The following ATP6V0D1 variants were observed in gnomAD, a reference collection of about 807,000 sequenced individuals.
ATP6V0D1 encodes V-type proton ATPase subunit d 1.
ATP6V0D1 carries 13 observed loss-of-function variants against 39.0 expected under a neutral mutation model. The observed-to-expected ratio is 0.33, with a 90% CI of 0.22 to 0.53. ATP6V0D1 has a LOEUF of 0.53. ATP6V0D1 is among the 20% of genes least tolerant of loss of function. The probability of loss-of-function intolerance (pLI) is 0.94; values close to 1 mark genes in which losing one functional copy is unlikely to be tolerated. For synonymous variants in ATP6V0D1, 191 were observed against 191.2 expected, an observed-to-expected ratio of 1.00 and a Z score of 0.01; for missense variants, 272 against 470.9, an observed-to-expected ratio of 0.58 and a Z score of 3.91.
chr16:67,469,969 T>C (rs2041359944), intron 1 of ATP6V0D1, among the ~76,000 whole-genome samples: 1 of 152,220 alleles, frequency 6.6e-6, no homozygotes, highest in African/African-American at 2.4e-5. Context: ...GGATTACATG[T>C]AACGCTTTGC....
chr16:67,457,701 A>G, intron 1 of ATP6V0D1: 2 of 1,242,020 alleles, frequency 1.6e-6, no homozygotes. Flanking sequence ...AAAGCCAAGC[A>G]GAGGGCTCTC....
chr16:67,446,883 C>T (rs2041122948), intron 2 of ATP6V0D1, among the ~76,000 whole-genome samples: 1 of 152,176 alleles, frequency 6.6e-6, no homozygotes, highest in Non-Finnish European at 1.5e-5. Flanking sequence ...CTAGCATTAC[C>T]AGCCCCACTG....
At chr16:67,468,617 A>G (rs1278394004) in intron 1 of ATP6V0D1, among the ~76,000 whole-genome samples, 1 of 151,788 alleles carries the variant, frequency 6.6e-6, no homozygotes, top group African/African-American at 2.4e-5. Context: ...AAAAAGAAGG[A>G]AGGAAAGAAA....
intron 2 of ATP6V0D1, among the ~76,000 whole-genome samples, chr16:67,452,767 TGTGCAGTCCAGGTGCCCTCCCC>T (rs1170326768): frequency 2.2e-4 from 33 of 152,120 alleles, no homozygotes; most frequent in East Asian, 7.7e-4. Flanking sequence ...CCTACCTCCC[TGTGCAGTCCAGGTGCCCTCCCC>T]GTGCAGTCCA....
rs759841989 is a variant in ATP6V0D1 at position 67,438,599 on chromosome 16, T to C, written c.985A>G (p.Ile329Val). Residue 329 changes from isoleucine (I) to valine (V), a missense_variant, in exon 8 of 8, where the codon ATC becomes GTC. This residue lies in a region of ATP6V0D1 where 35 missense variants were observed against 84.6 expected (regional missense o/e 0.41). Coordinates refer to ENST00000290949, the MANE Select transcript of ATP6V0D1 (RefSeq NM_004691.5). ...VKLKEQECRN[I>V]VWIAECIAQR... ...GCGATACATTCAGCGATCCACACGA[T>C]GTTGCGACACTCCTGCTCCTTGAGC... 3 of 1,614,240 alleles carry C rather than the reference T, an allele frequency of 1.9e-6. No homozygotes were observed. The highest frequency in any genetic ancestry group is 2.5e-6 in the Non-Finnish European group (3 of 1,180,040).
intron 1 of ATP6V0D1, among the ~76,000 whole-genome samples, chr16:67,469,731 A>T (rs1472103930): frequency 6.6e-6 from 1 of 152,214 alleles, no homozygotes; most frequent in Non-Finnish European, 1.5e-5. Flanking sequence ...TTGCTTACCT[A>T]TATGTCCTAA....
intron 1 of ATP6V0D1, among the ~76,000 whole-genome samples, chr16:67,473,430 C>T (rs1308922818): frequency 6.6e-6 from 1 of 151,810 alleles, no homozygotes; most frequent in Non-Finnish European, 1.5e-5. Context: ...CTCATTGCAA[C>T]CTCCACCTTC....
rs66719440 is a variant in ATP6V0D1, at chr16:67,438,885, G to T, written c.817-15C>A. 857 of 1,613,406 alleles carry T rather than the reference G, an allele frequency of 5.3e-4. No individual in the cohort carries two copies. In the African/African-American group the frequency reaches 8.5e-3, roughly 16 times the overall value. On this transcript the variant is annotated splice_polypyrimidine_tract_variant and intron_variant, in intron 6 of 7. Transcript: ENST00000290949. ...AGCTTGTACTCCTGGCCAGGGGGGT[G>T]GGGGGAAGCACAAGCATGAGGGTTC...
At chr16:67,474,042 C>T (rs111344646) in intron 1 of ATP6V0D1, among the ~76,000 whole-genome samples, 12 of 152,330 alleles carry the variant, frequency 7.9e-5, no homozygotes, top group African/African-American at 2.9e-4. Context: ...CTAAAGTACC[C>T]TGCACTTACT....
intron 2 of ATP6V0D1, among the ~76,000 whole-genome samples, chr16:67,450,481 G>GGCCAGAGAGGTAGGAGTTAA (rs1254615733): frequency 6.6e-6 from 1 of 152,076 alleles, no homozygotes; most frequent in African/African-American, 2.4e-5. Context: ...AAGGGAGAGT[G>GGCCAGAGAGGTAGGAGTTAA]GCCAGAGAGG....
At position 67,448,145 on chromosome 16, in the gene ATP6V0D1, T is replaced by C. The variant is rs530683204; in HGVS notation, c.303-3439A>G. Among the ~76,000 whole-genome samples, 5 of 150,916 alleles carry C rather than the reference T, an allele frequency of 3.3e-5. No individual in the cohort carries two copies. The East Asian group carries it at 9.8e-4, about 30-fold the overall frequency. Reference sequence around the variant, plus strand: ...GTGGGAGGCTCTCTTAGCTCAGGAGTTTGAGGCCAGCCTGGGCAACATAGC... The same window carrying C: ...GTGGGAGGCTCTCTTAGCTCAGGAGCTTGAGGCCAGCCTGGGCAACATAGC... On this transcript the variant is annotated intron_variant, in intron 2 of 7. Transcript: ENST00000290949.
rs79113823 is a variant in ATP6V0D1 at position 67,444,374 on chromosome 16, C to G, written c.481+154G>C. Among the ~76,000 whole-genome samples, 532 of 151,206 alleles carry G rather than the reference C, an allele frequency of 3.5e-3. 3 individuals carry two copies. The highest frequency in any genetic ancestry group is 0.012 in the African/African-American group (489 of 41,476). The stretch of plus-strand genomic sequence containing the variant: ...AAGAGGGGTGAAGTGAGGAGAGAAT[C>G]GGAGGAGGAAGTTGAAGGGAGACAA... On this transcript the variant is annotated intron_variant, in intron 3 of 7. Transcript: ENST00000290949. This position sits in a 1 kb window ranked among gnomAD's most constrained non-coding sequence, Gnocchi z 4.8.
chr16:67,476,243 T>C (rs1359901533), intron 1 of ATP6V0D1, among the ~76,000 whole-genome samples: 1 of 149,422 alleles, frequency 6.7e-6, no homozygotes, highest in East Asian at 1.9e-4. Flanking sequence ...AAACCAGACA[T>C]CTCAGATAGT....
At chr16:67,475,148 G>A (rs1185646993) in intron 1 of ATP6V0D1, among the ~76,000 whole-genome samples, 1 of 149,874 alleles carries the variant, frequency 6.7e-6, no homozygotes, top group Non-Finnish European at 1.5e-5. Context: ...TATCCCATCC[G>A]CTGCACTCAG....
At chr16:67,465,452 G>T (rs1036700517) in intron 1 of ATP6V0D1, among the ~76,000 whole-genome samples, 2 of 152,326 alleles carry the variant, frequency 1.3e-5, no homozygotes, top group East Asian at 1.9e-4. Flanking sequence ...GGCCAGGGTG[G>T]CAAGACAAGA....
At chr16:67,464,347 G>GTGAT (rs1275685836) in intron 1 of ATP6V0D1, among the ~76,000 whole-genome samples, 3 of 152,234 alleles carry the variant, frequency 2.0e-5, no homozygotes, top group African/African-American at 7.2e-5. Context: ...AGAACATAGA[G>GTGAT]TGATTGGTCA....
chr16:67,480,041 T>C (rs1348204860), intron 1 of ATP6V0D1, among the ~76,000 whole-genome samples: 1 of 129,626 alleles, frequency 7.7e-6, no homozygotes, highest in Non-Finnish European at 1.5e-5. Context: ...CTACTAAAAA[T>C]ACAAAAAATT....
intron 2 of ATP6V0D1, among the ~76,000 whole-genome samples, chr16:67,448,687 G>A (rs888453184): frequency 2.0e-5 from 3 of 150,954 alleles, no homozygotes; most frequent in African/African-American, 7.3e-5. Context: ...AAGCATATGA[G>A]TGAGGTGTGG....
rs1247990586 is a variant in ATP6V0D1 at position 67,444,279 on chromosome 16, A to C, written c.481+249T>G. 6.6e-6 allele frequency among the ~76,000 whole-genome samples: 1 copy of C among 152,132 alleles called. No homozygotes were observed. The highest frequency in any genetic ancestry group is 1.5e-5 in the Non-Finnish European group (1 of 68,028). ...ACTCTGGGAGATCAGACTGCTTCACAAAGTGAGACAGTCCCAGTCAGGCCC... is the reference window on the plus strand; with the variant it reads ...ACTCTGGGAGATCAGACTGCTTCACCAAGTGAGACAGTCCCAGTCAGGCCC... On this transcript the variant is annotated intron_variant, in intron 3 of 7. Coordinates refer to ENST00000290949, the MANE Select transcript of ATP6V0D1 (RefSeq NM_004691.5). This position sits in a 1 kb window ranked among gnomAD's most constrained non-coding sequence, Gnocchi z 4.8.
Sources: gnomAD v4.1 joint callset for allele counts (sites outside exome capture counted in the v4.1 genomes callset) on GRCh38, gnomAD v4.1.1 for gene constraint, gnomAD v4.1.1 regional missense constraint, Gnocchi (gnomAD v3.1) non-coding constraint, MANE v1.5 for transcripts, NCBI Gene and HGNC (gene_info 2026-07-23, HGNC 2026-07-21) for gene names.